Variants in ICAM1 observed in about 807,000 individuals in gnomAD.
ICAM1 encodes ICAM-1.
ICAM1 carries 28 observed loss-of-function variants against 42.3 expected under a neutral mutation model. The ratio of observed to expected loss-of-function variants is 0.66; its 90% CI spans 0.49 to 0.91. The LOEUF is 0.91. ICAM1 is among the 40% of genes least tolerant of loss of function. The pLI is 0.00. For missense variants in ICAM1, 637 were observed against 688.6 expected, an observed-to-expected ratio of 0.93 and a Z score of 0.84; for synonymous variants, 304 against 305.9, an observed-to-expected ratio of 0.99 and a Z score of 0.07.
At position 10,272,212 on chromosome 19, in the gene ICAM1, G is replaced by C. The variant is rs11575072; in HGVS notation, c.67+986G>C. Among the ~76,000 whole-genome samples the C allele has an allele frequency of 7.0e-3, 1,067 of 152,302 alleles. 14 individuals are homozygous for C. The highest frequency in any genetic ancestry group is 0.055 in the East Asian group (286 of 5,194). On this transcript the variant is annotated intron_variant, in intron 1 of 6. Transcript: ENST00000264832. ...AGGGAGGAAAATCCCTTAAGCCCAC[G>C]AGGCTGAGGTTGCAGTGAACCAAGA...
rs34542691 is a variant in ICAM1 at position 10,274,312 on chromosome 19, A to ATT, written c.68-435_68-434dup. Among the ~76,000 whole-genome samples the ATT allele has an allele frequency of 4.1e-3, 547 of 134,904 alleles. 8 individuals are homozygous for ATT. Among genetic ancestry groups the ATT allele is most frequent in the African/African-American group, 0.015 (514 of 35,438 alleles). 88.5% of individuals were successfully genotyped at this position (134,904 alleles called of 152,430 possible). A position where few individuals can be genotyped will look rare whatever the true frequency, so the allele number is the denominator to read the frequency against. On this transcript the variant is annotated intron_variant, in intron 1 of 6. Coordinates refer to ENST00000264832, the MANE Select transcript of ICAM1 (RefSeq NM_000201.3). ...TTATTAATTATCTTGTTTGCTCATA[A>ATT]TTTTTTTTTTTTTTTTTTTGGAGAC...
Position 10,285,648 on chromosome 19 carries a change from G to A in ICAM1, c.*361G>A. On this transcript the variant is annotated 3_prime_UTR_variant, in exon 7 of 7. Transcript: ENST00000264832. ...AAATACTGAAACTTGCTGCCTATTG[G>A]GTATGCTGAGGCCCCACAGACTTAC... The A allele has an allele frequency of 4.4e-6, 1 of 227,740 alleles. No homozygotes were observed. Among genetic ancestry groups the A allele is most frequent in the Non-Finnish European group, 8.8e-6 (1 of 114,234 alleles). 14.1% of individuals were successfully genotyped at this position (227,740 alleles called of 1,614,324 possible).
At chr19:10,281,748 G>A (rs949795551) in intron 2 of ICAM1, among the ~76,000 whole-genome samples, 1 of 127,646 alleles carries the variant, frequency 7.8e-6, no homozygotes, top group Non-Finnish European at 1.6e-5. Context: ...TTTTTCCTCT[G>A]AGAGAGACTC....
intron 2 of ICAM1, among the ~76,000 whole-genome samples, chr19:10,277,823 T>C (rs899114696): frequency 6.6e-6 from 1 of 152,106 alleles, no homozygotes; most frequent in South Asian, 2.1e-4. Flanking sequence ...TTTGGGGACT[T>C]CGAATGGTGG....
chr19:10,280,871 T>A (rs1313981019), intron 2 of ICAM1, among the ~76,000 whole-genome samples: 7 of 22,114 alleles, frequency 3.2e-4, no homozygotes, highest in Non-Finnish European at 8.1e-4. Flanking sequence ...GCCCGGCCTT[T>A]TTTTTTTTTT....
chr19:10,285,141 A>G lies in ICAM1; in HGVS notation c.1453A>G (p.Thr485Ala). 1 of 1,614,096 alleles carries G rather than the reference A, an allele frequency of 6.2e-7. No homozygotes were observed. The stretch of plus-strand genomic sequence containing the variant: ...CCCCCGGTATGAGATTGTCATCATC[A>G]CTGTGGTAGCAGCCGCAGTCATAAT... ...LSPRYEIVII[T>A]VVAAAVIMGT... Residue 485 changes from threonine (T) to alanine (A), a missense_variant, in exon 7 of 7, where the codon ACT becomes GCT. Coordinates refer to ENST00000264832, the MANE Select transcript of ICAM1 (RefSeq NM_000201.3).
chr19:10,282,870 G>T (rs1452620984), intron 2 of ICAM1, among the ~76,000 whole-genome samples: 9 of 152,052 alleles, frequency 5.9e-5, no homozygotes, highest in Non-Finnish European at 1.2e-4. Context: ...AAAATTAGCT[G>T]GGTGTGGTGA....
chr19:10,273,614 A>G (rs2039996715), intron 1 of ICAM1, among the ~76,000 whole-genome samples: 1 of 152,042 alleles, frequency 6.6e-6, no homozygotes, highest in East Asian at 1.9e-4. Flanking sequence ...ACAGTGAGCT[A>G]TGATTGTGCC....
intron 2 of ICAM1, among the ~76,000 whole-genome samples, chr19:10,280,868 C>CT (rs869262659): frequency 0.032 from 2,273 of 70,108 alleles, 154 homozygotes; most frequent in African/African-American, 0.11. Context: ...CGTGCCCGGC[C>CT]TTTTTTTTTT....
At chr19:10,275,705 C>CTTTTT (rs568025125) in intron 2 of ICAM1, among the ~76,000 whole-genome samples, 68 of 109,272 alleles carry the variant, frequency 6.2e-4, no homozygotes, top group African/African-American at 1.9e-3. Flanking sequence ...CTGTTTCTTT[C>CTTTTT]TTTTTTTTTT....
At chr19:10,282,664 C>T (rs1464998123) in intron 2 of ICAM1, among the ~76,000 whole-genome samples, 1 of 151,804 alleles carries the variant, frequency 6.6e-6, no homozygotes, top group Non-Finnish European at 1.5e-5. Flanking sequence ...AGGATTACAG[C>T]CTGAGCCATC....
At chr19:10,280,579 T>C (rs2040048974) in intron 2 of ICAM1, among the ~76,000 whole-genome samples, 1 of 151,294 alleles carries the variant, frequency 6.6e-6, no homozygotes, top group Middle Eastern at 3.2e-3. Flanking sequence ...TTTTTGTTTG[T>C]TTGTTTGAGA....
At chr19:10,283,907 G>A in intron 3 of ICAM1, 121 bp downstream of exon 3, 1 of 1,439,294 alleles carries the variant, frequency 6.9e-7, no homozygotes, top group East Asian at 2.3e-5. Flanking sequence ...ATGTGTTCTA[G>A]GCGTATGTGA....
intron 2 of ICAM1, among the ~76,000 whole-genome samples, chr19:10,276,648 C>T (rs1166760759): frequency 6.6e-6 from 1 of 150,948 alleles, no homozygotes; most frequent in Non-Finnish European, 1.5e-5. Context: ...ATAAGCCCAA[C>T]CCTGTGGCGG....
rs761737102 is a variant in ICAM1, at chr19:10,274,991, T to C, written c.294T>C (p.Asp98=). The change falls in exon 2 of 7, where the codon GAT becomes GAC. Residue 98 remains aspartate, a synonymous_variant. Transcript: ENST00000264832. The part of the protein sequence containing the change: ...SQPMCYSNCP[D]GQSTAKTFLT... ...CAATGTGCTATTCAAACTGCCCTGATGGGCAGTCAACAGCTAAAACCTTCC... is the reference window on the plus strand; with the variant it reads ...CAATGTGCTATTCAAACTGCCCTGACGGGCAGTCAACAGCTAAAACCTTCC... 11 of 1,614,064 alleles carry C rather than the reference T, an allele frequency of 6.8e-6. No homozygotes were observed. In the Admixed American group the frequency reaches 1.7e-4, roughly 24 times the overall value.
At chr19:10,281,948 G>A (rs971636295) in intron 2 of ICAM1, among the ~76,000 whole-genome samples, 2 of 151,924 alleles carry the variant, frequency 1.3e-5, no homozygotes, top group African/African-American at 2.4e-5. Flanking sequence ...CACTATATTG[G>A]CCAGGCTGGT....
chr19:10,275,845 C>T (rs972809571), intron 2 of ICAM1, among the ~76,000 whole-genome samples: 20 of 151,030 alleles, frequency 1.3e-4, no homozygotes, highest in Non-Finnish European at 2.4e-4. Flanking sequence ...GTAGCTGGGA[C>T]TACAGGCGCC....
chr19:10,280,942 G>C (rs979698673), intron 2 of ICAM1, among the ~76,000 whole-genome samples: 2 of 144,030 alleles, frequency 1.4e-5, no homozygotes, highest in Non-Finnish European at 3.0e-5. Flanking sequence ...GGTTCGATCT[G>C]GGCTCACTGC....
chr19:10,277,092 A>C (rs938843903), intron 2 of ICAM1, among the ~76,000 whole-genome samples: 5 of 152,178 alleles, frequency 3.3e-5, no homozygotes, highest in Middle Eastern at 3.2e-3. Context: ...TAGCCCTAAA[A>C]GGAAGTGGGA....
Sources: gnomAD v4.1 joint callset for allele counts (sites outside exome capture counted in the v4.1 genomes callset) on GRCh38, gnomAD v4.1.1 for gene constraint, MANE v1.5 for transcripts, NCBI Gene and HGNC (gene_info 2026-07-23, HGNC 2026-07-21) for gene names.